Variants in EPHA10 observed in about 807,000 individuals in gnomAD.
EPHA10 encodes EPH receptor A10.
EPHA10 carries 120 observed loss-of-function variants against 109.7 expected under a neutral mutation model. That is an observed-to-expected ratio of 1.09 (90% CI 0.94 to 1.27). The LOEUF (loss-of-function observed/expected upper bound fraction) is 1.27. Among genes scored for constraint, EPHA10 ranks in the 50% most tolerant of loss-of-function variants. EPHA10 has a pLI of 0.00. For synonymous variants in EPHA10, 640 were observed against 618.9 expected (o/e 1.03, Z -0.51); for missense variants, 1,396 against 1,411.1 (o/e 0.99, Z 0.17).
intron 3 of EPHA10, chr1:37,760,393 C>T (rs1646420829): frequency 3.8e-6 from 4 of 1,055,584 alleles, no homozygotes; most frequent in South Asian, 4.6e-5. Flanking sequence ...CTAATGCCCC[C>T]ACTAGCCTGA....
At position 37,723,148 on chromosome 1, in the gene EPHA10, C is replaced by T. The variant is rs185125532; in HGVS notation, c.1853G>A (p.Arg618His). Residue 618 changes from arginine (R) to histidine (H), a missense_variant, in exon 10 of 17, where the codon CGC becomes CAC. Physicochemically the swap from Arg to His is conservative, Grantham distance 29 (BLOSUM62 0). Coordinates refer to ENST00000373048, the MANE Select transcript of EPHA10 (RefSeq NM_001099439.2). ...ACAGCTCTGGGGGTCCAGGAATGTG[C>T]GACGTGTTGGGACTTTGACTGGGAG... ...LYFHFKVPTR[R>H]TFLDPQSCGD... The T allele has an allele frequency of 4.5e-3, 7,342 of 1,613,720 alleles. 32 individuals carry two copies. The highest frequency in any genetic ancestry group is 5.4e-3 in the Non-Finnish European group (6,325 of 1,179,754).
At chr1:37,760,523 C>G in intron 3 of EPHA10, 1 of 930,596 alleles carries the variant, frequency 1.1e-6, no homozygotes, top group Non-Finnish European at 1.3e-6. Context: ...CTCTCTCCAG[C>G]ATAAAAATCC....
chr1:37,720,585 G>C lies in EPHA10; in HGVS notation c.2209-31C>G, dbSNP rs553091844. Reference sequence around the variant, plus strand: ...GAGGGAGAAGACTGAGGCCAGGGCTGTGCGCTTGGATCCCCTGGTGTTGTG... The same window carrying C: ...GAGGGAGAAGACTGAGGCCAGGGCTCTGCGCTTGGATCCCCTGGTGTTGTG... On this transcript the variant is annotated intron_variant, in intron 12 of 16. Transcript: ENST00000373048. 7.6e-5 allele frequency: 121 copies of C among 1,588,440 alleles called. No homozygotes were observed. In the South Asian group the frequency reaches 1.2e-3, roughly 16 times the overall value.
chr1:37,730,033 C>CCACTGA (rs2148327600), intron 7 of EPHA10, among the ~76,000 whole-genome samples: 1 of 152,220 alleles, frequency 6.6e-6, no homozygotes, highest in African/African-American at 2.4e-5. Flanking sequence ...CAGCCCTTCT[C>CCACTGA]CACTGACGGT....
At chr1:37,742,149 C>A (rs1266105685) in intron 5 of EPHA10, among the ~76,000 whole-genome samples, 3 of 152,222 alleles carry the variant, frequency 2.0e-5, no homozygotes, top group Non-Finnish European at 2.9e-5. Flanking sequence ...TAACACCAAG[C>A]ACCGGCTCTC....
intron 8 of EPHA10, 59 bp downstream of exon 8, chr1:37,727,043 A>G (rs1645903395): frequency 1.5e-6 from 2 of 1,369,616 alleles, no homozygotes; most frequent in Admixed American, 4.0e-5. Context: ...GTGAGCACAC[A>G]TTAATGTGCA....
At chr1:37,719,703 C>T (rs1222794400) in intron 14 of EPHA10, 96 bp from the exon 15 acceptor site, 2 of 1,473,004 alleles carry the variant, frequency 1.4e-6, no homozygotes, top group African/African-American at 2.8e-5. Flanking sequence ...CACAGACACA[C>T]ACACACACAT....
chr1:37,754,505 G>T lies in EPHA10; in HGVS notation c.851-135C>A. Reference sequence around the variant, plus strand: ...TCAGGGGACTCAGCCACTCCAGTCAGCACTGCCCCGTGGAGTGACTCCTGA... The same window carrying T: ...TCAGGGGACTCAGCCACTCCAGTCATCACTGCCCCGTGGAGTGACTCCTGA... On this transcript the variant is annotated intron_variant, in intron 3 of 16. Coordinates refer to ENST00000373048, the MANE Select transcript of EPHA10 (RefSeq NM_001099439.2). The surrounding 1 kb of genome is among the most constrained non-coding windows in gnomAD (Gnocchi z 4.5). 1.3e-6 allele frequency: 1 copy of T among 783,364 alleles called. No homozygotes were observed. The highest frequency in any genetic ancestry group is 1.7e-6 in the Non-Finnish European group (1 of 575,028). The allele number at this position is 783,364 out of a possible 1,614,324, so 48.5% of individuals were successfully genotyped here.
chr1:37,764,200 T>C lies in EPHA10; in HGVS notation c.106+761A>G, dbSNP rs151000763. On this transcript the variant is annotated intron_variant, in intron 1 of 16. Coordinates refer to ENST00000373048, the MANE Select transcript of EPHA10 (RefSeq NM_001099439.2). This position sits in a 1 kb window ranked among gnomAD's most constrained non-coding sequence, Gnocchi z 5.8. Reference sequence around the variant, plus strand: ...ACTGTGGGCAGGACCGCCGACGGCTTTCCGAGATCCGCGCAACTGACAGCA... The same window carrying C: ...ACTGTGGGCAGGACCGCCGACGGCTCTCCGAGATCCGCGCAACTGACAGCA... Among the ~76,000 whole-genome samples, 798 of 152,146 alleles carry C rather than the reference T, an allele frequency of 5.2e-3. 7 individuals are homozygous for C. Among genetic ancestry groups the C allele is most frequent in the African/African-American group, 0.019 (771 of 41,502 alleles).
intron 3 of EPHA10, chr1:37,761,107 ATGAC>A: frequency 8.5e-7 from 1 of 1,177,246 alleles, no homozygotes; most frequent in Non-Finnish European, 1.1e-6. Flanking sequence ...AAAAAAAACA[ATGAC>A]TTCCTTTATT....
Position 37,720,390 on chromosome 1 carries a change from C to A in EPHA10, c.2373G>T (p.Arg791=). 1 of 1,612,720 alleles carries A rather than the reference C, an allele frequency of 6.2e-7. No individual in the cohort carries two copies. Among genetic ancestry groups the A allele is most frequent in the Non-Finnish European group, 8.5e-7 (1 of 1,179,852 alleles). ...CAGCCTCTGATCGGTCCCGGGGGCC[C>A]CGCCCGAAGCCAGAGATCTTGCAGA... is the stretch of plus-strand genomic sequence containing the variant. ...DLVCKISGFG[R]GPRDRSEAVY... is the part of the protein sequence containing the mutation. The change falls in exon 13 of 17, where the codon CGG becomes CGT. Residue 791 remains arginine, a synonymous_variant. Transcript: ENST00000373048.
intron 3 of EPHA10, among the ~76,000 whole-genome samples, chr1:37,755,190 G>A (rs1646383229): frequency 1.3e-5 from 2 of 152,232 alleles, no homozygotes; most frequent in South Asian, 4.1e-4. Context: ...CCCAACCCAA[G>A]CCCACATCAC....
At chr1:37,756,884 G>C (rs907625637) in intron 3 of EPHA10, among the ~76,000 whole-genome samples, 1 of 152,020 alleles carries the variant, frequency 6.6e-6, no homozygotes, top group African/African-American at 2.4e-5. Context: ...GGAGTGCAGT[G>C]GCACAATCAT....
chr1:37,725,574 C>T (rs1350204963), intron 8 of EPHA10, among the ~76,000 whole-genome samples: 1 of 145,026 alleles, frequency 6.9e-6, no homozygotes, highest in East Asian at 2.0e-4. Context: ...CCAGGAGGAA[C>T]AGAAGAGATG....
chr1:37,727,074 G>T, intron 8 of EPHA10, 28 bp downstream of exon 8: 1 of 1,576,522 alleles, frequency 6.3e-7, no homozygotes, highest in Non-Finnish European at 8.7e-7. Context: ...CCCACCAGGA[G>T]TCACCTAGGC....
Position 37,721,833 on chromosome 1 carries a change from T to C in EPHA10, c.1973A>G (p.Glu658Gly), listed in dbSNP as rs760788864. The C allele has an allele frequency of 6.3e-7, 1 of 1,597,882 alleles. No homozygotes were observed. The highest frequency in any genetic ancestry group is 8.5e-7 in the Non-Finnish European group (1 of 1,171,032). Residue 658 changes from glutamate (E) to glycine (G), a missense_variant, in exon 11 of 17, where the codon GAG (glutamate) becomes GGG (glycine). Transcript: ENST00000373048. ...GAGCTGCAAGCAGCCACAGCACAGC[T>C]CCCCAAACCGCCCTGTGGGGAAACA... ...ERSLGGGRFG[E>G]LCCGCLQLPG... is the part of the protein sequence containing the mutation.
At position 37,731,529 on chromosome 1, in the gene EPHA10, G is replaced by C; in HGVS notation, c.1545C>G (p.Thr515=). 6.2e-7 allele frequency: 1 copy of C among 1,614,056 alleles called. No homozygotes were observed. Among genetic ancestry groups the C allele is most frequent in the Non-Finnish European group, 8.5e-7 (1 of 1,179,992 alleles). ...GGGTAGCCGGCTTCAGGTTGGTGACGGTGACTGTGGGCGCCCCTGTCTTCA... is the reference window on the plus strand; with the variant it reads ...GGGTAGCCGGCTTCAGGTTGGTGACCGTGACTGTGGGCGCCCCTGTCTTCA... ...SMVKTGAPTV[T]VTNLKPATRY... Residue 515 remains threonine, a synonymous_variant, in exon 7 of 17, where the codon ACC becomes ACG. Transcript: ENST00000373048.
At chr1:37,736,046 A>C (rs886517301) in intron 5 of EPHA10, among the ~76,000 whole-genome samples, 3 of 152,246 alleles carry the variant, frequency 2.0e-5, no homozygotes, top group Admixed American at 6.5e-5. Context: ...ACTGGAAAAG[A>C]AGCAGGAAAT....
At chr1:37,735,804 C>G (rs1165481096) in intron 5 of EPHA10, among the ~76,000 whole-genome samples, 1 of 151,976 alleles carries the variant, frequency 6.6e-6, no homozygotes, top group East Asian at 1.9e-4. Flanking sequence ...ATGGTCTGGT[C>G]AAGAGGTAAT....
Sources: allele counts gnomAD v4.1 joint callset (sites outside exome capture counted in the v4.1 genomes callset), GRCh38; gene constraint gnomAD v4.1.1; non-coding constraint Gnocchi (gnomAD v3.1); transcripts MANE v1.5; gene names NCBI Gene and HGNC (gene_info 2026-07-23, HGNC 2026-07-21).